Variants in MIB1 observed in about 807,000 individuals in gnomAD.
MIB1 encodes MIB E3 ubiquitin protein ligase 1, also known as E3 ubiquitin-protein ligase MIB1.
In MIB1, 278 loss-of-function variants were observed where a neutral mutation model predicts 124.5. That is an observed-to-expected ratio of 2.23 (90% CI 2.02 to 2.47). The LOEUF is 2.47. MIB1 is among the 30% of genes most tolerant of loss of function. The pLI is 0.00. For synonymous variants in MIB1, 446 were observed against 429.4 expected, an observed-to-expected ratio of 1.04 and a Z score of -0.48; for missense variants, 957 against 1,254.4, an observed-to-expected ratio of 0.76 and a Z score of 3.58.
intron 1 of MIB1, among the ~76,000 whole-genome samples, chr18:21,731,225 C>T (rs2040768246): frequency 6.6e-6 from 1 of 152,214 alleles, no homozygotes. Context: ...CTGTCTTTCT[C>T]ATTCATCAAT....
chr18:21,757,698 C>A (rs940613361), intron 1 of MIB1, among the ~76,000 whole-genome samples: 1 of 151,184 alleles, frequency 6.6e-6, no homozygotes, highest in Non-Finnish European at 1.5e-5. Context: ...GTTGACCAGG[C>A]TAGTCTCAAA....
intron 7 of MIB1, among the ~76,000 whole-genome samples, chr18:21,792,038 CAACA>C: frequency 1.3e-5 from 2 of 152,322 alleles, no homozygotes; most frequent in Middle Eastern, 6.8e-3. Flanking sequence ...TGTTCATCAA[CAACA>C]AACAAATTTG....
At chr18:21,707,321 A>T (rs1433678848) in intron 1 of MIB1, among the ~76,000 whole-genome samples, 1 of 152,128 alleles carries the variant, frequency 6.6e-6, no homozygotes, top group Non-Finnish European at 1.5e-5. Flanking sequence ...GTCAAAACGG[A>T]CCAGTCAGCT....
At chr18:21,864,169 G>A (rs1001085902) in intron 20 of MIB1, among the ~76,000 whole-genome samples, 32 of 152,070 alleles carry the variant, frequency 2.1e-4, no homozygotes, top group Non-Finnish European at 5.9e-5. Context: ...CTATCACAGC[G>A]GCGCGATCTT....
At chr18:21,715,753 A>G (rs2040686777) in intron 1 of MIB1, among the ~76,000 whole-genome samples, 1 of 152,142 alleles carries the variant, frequency 6.6e-6, no homozygotes, top group Non-Finnish European at 1.5e-5. Flanking sequence ...GAACAAGCAG[A>G]AGAAAGAACT....
chr18:21,864,789 A>G lies in MIB1; in HGVS notation c.*123A>G. 1.5e-6 allele frequency: 1 copy of G among 660,508 alleles called. No individual in the cohort carries two copies. Among genetic ancestry groups the G allele is most frequent in the East Asian group, 2.7e-5 (1 of 37,048 alleles). 40.9% of individuals were successfully genotyped at this position (660,508 alleles called of 1,614,324 possible). On this transcript the variant is annotated 3_prime_UTR_variant, in exon 21 of 21. Transcript: ENST00000261537. The stretch of plus-strand genomic sequence containing the variant: ...TATCATAGTTTCTTTACTAGAGTAT[A>G]ATTGGGCTGTAAATGTACCAGAACA...
chr18:21,848,701 G>A (rs2042155954), intron 16 of MIB1, among the ~76,000 whole-genome samples: 1 of 152,098 alleles, frequency 6.6e-6, no homozygotes, highest in Non-Finnish European at 1.5e-5. Context: ...TGTTCCTTAA[G>A]GATACACTTA....
chr18:21,865,900 G>C lies in MIB1; in HGVS notation c.*1234G>C, dbSNP rs980456419. On this transcript the variant is annotated 3_prime_UTR_variant, in exon 21 of 21. Coordinates refer to ENST00000261537, the MANE Select transcript of MIB1 (RefSeq NM_020774.4). ...GTATAGAAATGTCTGCTTACCTGTAGACTTTAAAAACAAACAAAATTTTTG... is the reference window on the plus strand; with the variant it reads ...GTATAGAAATGTCTGCTTACCTGTACACTTTAAAAACAAACAAAATTTTTG... The C allele has an allele frequency of 4.3e-5, 1 of 23,044 alleles. No homozygotes were observed. Among genetic ancestry groups the C allele is most frequent in the African/African-American group, 1.4e-4 (1 of 7,294 alleles). The allele number at this position is 23,044 out of a possible 1,614,324, so 1.4% of individuals were successfully genotyped here. A position where few individuals can be genotyped will look rare whatever the true frequency, so the allele number is the denominator to read the frequency against.
At chr18:21,743,828 G>C (rs1016554186) in intron 1 of MIB1, among the ~76,000 whole-genome samples, 2 of 152,010 alleles carry the variant, frequency 1.3e-5, no homozygotes, top group African/African-American at 4.8e-5. Flanking sequence ...TTTTTGAAGG[G>C]ACATTAATGT....
chr18:21,770,539 C>G (rs1202701791), intron 3 of MIB1, among the ~76,000 whole-genome samples: 1 of 152,034 alleles, frequency 6.6e-6, no homozygotes, highest in Non-Finnish European at 1.5e-5. Context: ...AGGCTGGTCT[C>G]GAACTCCTGG....
At position 21,714,770 on chromosome 18, in the gene MIB1, G is replaced by A. The variant is rs370456670; in HGVS notation, n.167+9647G>A. Among the ~76,000 whole-genome samples the A allele has an allele frequency of 3.9e-5, 6 of 152,172 alleles. No homozygotes were observed. The South Asian group carries it at 6.2e-4, about 16-fold the overall frequency. The stretch of plus-strand genomic sequence containing the variant: ...TCCTCTGGAACCAGCATGCTGTGAG[G>A]CTGCTCATATTGAAATACCTGATCA... On this transcript the variant is annotated intron_variant and non_coding_transcript_variant, in intron 1 of 20. Transcript: ENST00000578646.
chr18:21,805,747 G>T (rs1257872814), intron 10 of MIB1, among the ~76,000 whole-genome samples: 2 of 151,830 alleles, frequency 1.3e-5, no homozygotes, highest in Non-Finnish European at 2.9e-5. Context: ...TTCAGATTCA[G>T]AATTTAATCA....
rs2042196236 is a variant in MIB1 at position 21,853,175 on chromosome 18, A to G, written c.2622A>G (p.Ala874=). 6.2e-7 allele frequency: 1 copy of G among 1,613,576 alleles called. No homozygotes were observed. The highest frequency in any genetic ancestry group is 1.7e-5 in the Admixed American group (1 of 60,010). The change falls in exon 18 of 21, where the codon GCA becomes GCG. Residue 874 remains alanine (A), a synonymous_variant. Coordinates refer to ENST00000261537, the MANE Select transcript of MIB1 (RefSeq NM_020774.4). ...EECVVCSDKK[A]AVLFQPCGHM... is the part of the protein sequence containing the mutation. ...GTGTGGTATGCTCTGACAAGAAAGCAGCTGTTCTTTTTCAACCCTGTGGCC... is the reference window on the plus strand; with the variant it reads ...GTGTGGTATGCTCTGACAAGAAAGCGGCTGTTCTTTTTCAACCCTGTGGCC...
chr18:21,711,753 G>GCA (rs2040666571), intron 1 of MIB1, among the ~76,000 whole-genome samples: 1 of 152,118 alleles, frequency 6.6e-6, no homozygotes, highest in Non-Finnish European at 1.5e-5. Context: ...GCATGCCATG[G>GCA]TGTGATTATG....
chr18:21,815,011 T>TTA (rs60363843), intron 10 of MIB1, among the ~76,000 whole-genome samples: 1,187 of 52,364 alleles, frequency 0.023, 15 homozygotes, highest in South Asian at 0.028. Context: ...GCTGTTGGTT[T>TTA]TATATATATA....
intron 12 of MIB1, chr18:21,827,588 A>G (rs2041937337): frequency 6.6e-6 from 1 of 152,088 alleles, no homozygotes; most frequent in Non-Finnish European, 1.5e-5. Flanking sequence ...AACTTACCAA[A>G]TAGAACATGA....
intron 10 of MIB1, among the ~76,000 whole-genome samples, chr18:21,811,566 T>C (rs1361128440): frequency 1.3e-5 from 2 of 152,080 alleles, no homozygotes; most frequent in African/African-American, 4.8e-5. Context: ...ACACATAAGA[T>C]CCTTGAGGCC....
Position 21,741,581 on chromosome 18 carries a change from C to T in MIB1, c.-3C>T. ...AGCGGCGGAGCCCACCGCCCGGGCC[C>T]CGATGAGTAACTCCCGGAATAACCG... On this transcript the variant is annotated 5_prime_UTR_variant, in exon 1 of 21. Coordinates refer to ENST00000261537, the MANE Select transcript of MIB1 (RefSeq NM_020774.4). The surrounding 1 kb of genome is among the most constrained non-coding windows in gnomAD (Gnocchi z 5.4). The T allele has an allele frequency of 6.7e-7, 1 of 1,488,504 alleles. No individual in the cohort carries two copies. Among genetic ancestry groups the T allele is most frequent in the Non-Finnish European group, 8.9e-7 (1 of 1,121,444 alleles). The allele number at this position is 1,488,504 out of a possible 1,614,324, so 92.2% of individuals were successfully genotyped here. A position where few individuals can be genotyped will look rare whatever the true frequency, so the allele number is the denominator to read the frequency against.
Position 21,764,860 on chromosome 18 carries a change from G to A in MIB1, c.230-912G>A, listed in dbSNP as rs535191722. ...AGTCAGAACTTGAATCCAGGAGAGTGTCACTTTTGGACAGATAATACAGCC... is the reference window on the plus strand; with the variant it reads ...AGTCAGAACTTGAATCCAGGAGAGTATCACTTTTGGACAGATAATACAGCC... On this transcript the variant is annotated intron_variant, in intron 1 of 20. Transcript: ENST00000261537. Among the ~76,000 whole-genome samples the A allele has an allele frequency of 2.0e-5, 3 of 152,280 alleles. No homozygotes were observed. In the South Asian group the frequency reaches 6.2e-4, roughly 32 times the overall value.
Sources: allele counts gnomAD v4.1 joint callset (sites outside exome capture counted in the v4.1 genomes callset), GRCh38; gene constraint gnomAD v4.1.1; non-coding constraint Gnocchi (gnomAD v3.1); transcripts MANE v1.5; gene names NCBI Gene and HGNC (gene_info 2026-07-23, HGNC 2026-07-21).